The following SNX29 variants were observed in gnomAD, a reference collection of about 807,000 sequenced individuals.
SNX29 encodes sorting nexin-29.
In SNX29, 78 loss-of-function variants were observed where a neutral mutation model predicts 102.1. The observed-to-expected ratio is 0.76, with a 90% CI of 0.64 to 0.92. The LOEUF (loss-of-function observed/expected upper bound fraction) is 0.92. Among genes scored for constraint, SNX29 ranks in the 40% least tolerant of loss-of-function variants. The probability of loss-of-function intolerance (pLI) is 0.00; values close to 1 mark genes in which losing one functional copy is unlikely to be tolerated. For synonymous variants in SNX29, 580 were observed against 414.5 expected, an observed-to-expected ratio of 1.40 and a Z score of -4.85; for missense variants, 1,280 against 1,061.7, an observed-to-expected ratio of 1.21 and a Z score of -2.86.
chr16:12,359,887 G>A (rs916902709), intron 16 of SNX29, among the ~76,000 whole-genome samples: 3 of 152,042 alleles, frequency 2.0e-5, no homozygotes, highest in South Asian at 2.1e-4. Flanking sequence ...GCAGTGGTGC[G>A]ATCTCAGCTC....
intron 20 of SNX29, among the ~76,000 whole-genome samples, chr16:12,551,848 C>T (rs997990521): frequency 2.0e-5 from 3 of 152,122 alleles, no homozygotes; most frequent in East Asian, 1.9e-4. Flanking sequence ...CTGCTGGGGA[C>T]ACAGGAGCAG....
At chr16:12,200,255 T>C (rs955404740) in intron 14 of SNX29, among the ~76,000 whole-genome samples, 6 of 152,110 alleles carry the variant, frequency 3.9e-5, no homozygotes, top group Admixed American at 3.3e-4. Flanking sequence ...TAATCAGAAA[T>C]TCCAGCAGAT....
At chr16:12,411,068 G>A (rs1329141938) in intron 18 of SNX29, among the ~76,000 whole-genome samples, 2 of 152,184 alleles carry the variant, frequency 1.3e-5, no homozygotes, top group African/African-American at 4.8e-5. Context: ...ACAGAAATGG[G>A]AACTGCAGCT....
At chr16:12,567,761 C>T (rs1465521034) in intron 20 of SNX29, among the ~76,000 whole-genome samples, 5 of 152,134 alleles carry the variant, frequency 3.3e-5, no homozygotes, top group Admixed American at 1.3e-4. Flanking sequence ...AGACTGTCTC[C>T]AGAAAATACA....
intron 13 of SNX29, among the ~76,000 whole-genome samples, chr16:12,160,023 C>T (rs1475866321): frequency 1.3e-5 from 2 of 152,198 alleles, no homozygotes; most frequent in Non-Finnish European, 2.9e-5. Flanking sequence ...AAGTCCCTTT[C>T]CAAAAGCGCA....
intron 20 of SNX29, among the ~76,000 whole-genome samples, chr16:12,544,841 G>T (rs1193484850): frequency 6.6e-6 from 1 of 152,200 alleles, no homozygotes; most frequent in Non-Finnish European, 1.5e-5. Context: ...ACTCCTTGGG[G>T]AAATGCCCAC....
chr16:12,140,446 C>T (rs2054830558), intron 13 of SNX29, among the ~76,000 whole-genome samples: 1 of 152,244 alleles, frequency 6.6e-6, no homozygotes, highest in South Asian at 2.1e-4. Flanking sequence ...GGCTTTCCCT[C>T]ACCTGAACTC....
intron 13 of SNX29, among the ~76,000 whole-genome samples, chr16:12,192,437 C>T (rs896082273): frequency 1.3e-5 from 2 of 152,214 alleles, no homozygotes; most frequent in Admixed American, 6.5e-5. Context: ...CTTCCGGCTT[C>T]TTCTGTTTCC....
chr16:12,416,746 GA>G (rs1387545154), intron 18 of SNX29, among the ~76,000 whole-genome samples: 2 of 152,160 alleles, frequency 1.3e-5, no homozygotes, highest in Non-Finnish European at 2.9e-5. Context: ...CAAGAGAGAG[GA>G]GGAGGTGTTA....
intron 18 of SNX29, among the ~76,000 whole-genome samples, chr16:12,455,339 C>CT (rs952517081): frequency 2.8e-4 from 43 of 151,692 alleles, no homozygotes; most frequent in African/African-American, 7.7e-4. Flanking sequence ...CCATCAAGGA[C>CT]TTTTTTTTTG....
chr16:12,196,561 T>C (rs1245173814), intron 13 of SNX29, among the ~76,000 whole-genome samples: 1 of 152,122 alleles, frequency 6.6e-6, no homozygotes, highest in Non-Finnish European at 1.5e-5. Flanking sequence ...ACATCTCAAA[T>C]GTCCAACTCT....
intron 20 of SNX29, among the ~76,000 whole-genome samples, chr16:12,532,170 C>G (rs180874986): frequency 5.1e-4 from 78 of 152,334 alleles, no homozygotes; most frequent in South Asian, 3.3e-3. Context: ...CTGGCTCTGT[C>G]TACTGCAAAC....
chr16:12,541,585 C>G (rs556305951), intron 20 of SNX29, among the ~76,000 whole-genome samples: 1 of 152,156 alleles, frequency 6.6e-6, no homozygotes, highest in African/African-American at 2.4e-5. Context: ...CATGCCAGAC[C>G]TCAACCCTGA....
intron 14 of SNX29, among the ~76,000 whole-genome samples, chr16:12,222,934 C>G (rs1173870880): frequency 6.6e-6 from 1 of 152,018 alleles, no homozygotes; most frequent in African/African-American, 2.4e-5. Context: ...AGATATTATT[C>G]TCACTTTGAA....
At chr16:12,528,375 T>C (rs975806277) in intron 20 of SNX29, among the ~76,000 whole-genome samples, 3 of 152,064 alleles carry the variant, frequency 2.0e-5, no homozygotes, top group Non-Finnish European at 4.4e-5. Context: ...TTTTGTATTT[T>C]TTATAGTAGA....
chr16:12,546,292 A>G (rs1373644162), intron 20 of SNX29: 1 of 152,248 alleles, frequency 6.6e-6, no homozygotes, highest in African/African-American at 2.4e-5. Context: ...CAGTGCTGAT[A>G]AAGACATACC....
chr16:12,052,942 C>T (rs1433309622), intron 8 of SNX29: 1 of 153,056 alleles, frequency 6.5e-6, no homozygotes, highest in Non-Finnish European at 1.5e-5. Flanking sequence ...ATGGTGACTT[C>T]TGTGTTTATC....
chr16:12,173,479 C>G lies in SNX29; in HGVS notation c.1596-26122C>G, dbSNP rs969931377. ...ATGCTGGCTGGGTTTGGCCTGTGGG[C>G]TCTAGTTTTTGACCCCCTGACTTCA... On this transcript the variant is annotated intron_variant, in intron 13 of 20. Coordinates refer to ENST00000566228, the MANE Select transcript of SNX29 (RefSeq NM_032167.5). Among the ~76,000 whole-genome samples the G allele has an allele frequency of 3.3e-5, 5 of 152,190 alleles. No individual in the cohort carries two copies. In the East Asian group the frequency reaches 9.6e-4, roughly 29 times the overall value.
rs1567603099 is a variant in SNX29, at chr16:12,476,383, A to AATAT, written c.2038-1310_2038-1307dup. Among the ~76,000 whole-genome samples, 76 of 9,464 alleles carry AATAT rather than the reference A, an allele frequency of 8.0e-3. 1 individual carries two copies. Among genetic ancestry groups the AATAT allele is most frequent in the Non-Finnish European group, 0.013 (61 of 4,606 alleles). The allele number at this position is 9,464 out of a possible 152,430, so 6.2% of individuals were successfully genotyped here. On this transcript the variant is annotated intron_variant, in intron 18 of 20. Transcript: ENST00000566228. Reference sequence around the variant, plus strand: ...AAAAAAAAAAAAAAAAAAAAAAAAAAATATATATATATATATATATATATA... The same window carrying AATAT: ...AAAAAAAAAAAAAAAAAAAAAAAAAAATATATATATATATATATATATATATATA...
Sources: allele counts gnomAD v4.1 joint callset (sites outside exome capture counted in the v4.1 genomes callset), GRCh38; gene constraint gnomAD v4.1.1; transcripts MANE v1.5; gene names NCBI Gene and HGNC (gene_info 2026-07-23, HGNC 2026-07-21).